PCBP3: variants seen among roughly 807,000 people sequenced by gnomAD.
PCBP3 encodes poly(rC) binding protein 3.
A neutral mutation model predicts 52.7 loss-of-function variants in PCBP3; 25 were observed. That is an observed-to-expected ratio of 0.47 (90% CI 0.35 to 0.66). The LOEUF (loss-of-function observed/expected upper bound fraction) is 0.66. Among genes scored for constraint, PCBP3 ranks in the 30% least tolerant of loss-of-function variants. The probability of loss-of-function intolerance (pLI) is 0.01; values close to 1 mark genes in which losing one functional copy is unlikely to be tolerated. For missense variants in PCBP3, 391 were observed against 490.3 expected, an observed-to-expected ratio of 0.80 and a Z score of 1.91; for synonymous variants, 162 against 183.0, an observed-to-expected ratio of 0.89 and a Z score of 0.93.
intron 4 of PCBP3, among the ~76,000 whole-genome samples, chr21:45,812,020 G>A (rs924174892): frequency 6.6e-6 from 1 of 151,302 alleles, no homozygotes; most frequent in African/African-American, 2.4e-5. Flanking sequence ...TTGTATTTTT[G>A]TTGTTTTAAA....
chr21:45,823,352 A>G (rs755221879), intron 4 of PCBP3, among the ~76,000 whole-genome samples: 3 of 152,144 alleles, frequency 2.0e-5, no homozygotes, highest in Non-Finnish European at 4.4e-5. Flanking sequence ...GGGACCTTCC[A>G]CACTGTGCAG....
At chr21:45,718,069 T>C (rs1488007599) in intron 2 of PCBP3, among the ~76,000 whole-genome samples, 1 of 152,172 alleles carries the variant, frequency 6.6e-6, no homozygotes, top group Non-Finnish European at 1.5e-5. Context: ...TCTGTGTGTT[T>C]CTAGGAATTT....
rs1217232403 is a variant in PCBP3, at chr21:45,800,070, C to A, written c.-126+44618C>A. ...CTGTGAGAACCACCCAGTGATGGTTCTTGTGCTGTTCTCTCTTCATGAATC... is the reference window on the plus strand; with the variant it reads ...CTGTGAGAACCACCCAGTGATGGTTATTGTGCTGTTCTCTCTTCATGAATC... On this transcript the variant is annotated intron_variant, in intron 4 of 17. Transcript: ENST00000681687. The surrounding 1 kb of genome is among the most constrained non-coding windows in gnomAD (Gnocchi z 5.3). Among the ~76,000 whole-genome samples, 1 of 152,190 alleles carries A rather than the reference C, an allele frequency of 6.6e-6. No homozygotes were observed. The highest frequency in any genetic ancestry group is 2.4e-5 in the African/African-American group (1 of 41,452).
intron 5 of PCBP3, among the ~76,000 whole-genome samples, chr21:45,895,053 C>T (rs897828973): frequency 5.9e-5 from 9 of 152,158 alleles, no homozygotes; most frequent in African/African-American, 9.7e-5. Context: ...GTGTAGACAG[C>T]GTGTCACTTT....
At chr21:45,666,201 T>G (rs1161387622) in intron 1 of PCBP3, among the ~76,000 whole-genome samples, 1 of 152,146 alleles carries the variant, frequency 6.6e-6, no homozygotes, top group Non-Finnish European at 1.5e-5. Context: ...CCTCTAAGAA[T>G]TGGAACAAAA....
chr21:45,917,421 T>A lies in PCBP3; in HGVS notation c.676-167T>A. 8 of 421,926 alleles carry A rather than the reference T, an allele frequency of 1.9e-5. No individual in the cohort carries two copies. Among genetic ancestry groups the A allele is most frequent in the East Asian group, 9.6e-5 (2 of 20,840 alleles). The allele number at this position is 421,926 out of a possible 1,614,324, so 26.1% of individuals were successfully genotyped here. A position where few individuals can be genotyped will look rare whatever the true frequency, so the allele number is the denominator to read the frequency against. On this transcript the variant is annotated intron_variant, in intron 12 of 17. Coordinates refer to ENST00000681687, the MANE Select transcript of PCBP3 (RefSeq NM_001384156.1). This position sits in a 1 kb window ranked among gnomAD's most constrained non-coding sequence, Gnocchi z 5.3. ...GTGGGTGCGGCTCCCCTGGGGCTCC[T>A]GGTGCCCTGGGAGGGTTGGCCCTTT...
chr21:45,877,445 CT>C (rs1029390367), intron 5 of PCBP3, among the ~76,000 whole-genome samples: 1 of 152,228 alleles, frequency 6.6e-6, no homozygotes, highest in Non-Finnish European at 1.5e-5. Context: ...AAAAGAGTAA[CT>C]GGCAAATTTA....
chr21:45,734,479 G>A (rs2145835336), intron 2 of PCBP3, among the ~76,000 whole-genome samples: 1 of 152,246 alleles, frequency 6.6e-6, no homozygotes. Flanking sequence ...GGTCCTGAGT[G>A]CAGTGCATCC....
intron 4 of PCBP3, among the ~76,000 whole-genome samples, chr21:45,784,433 CTCCTACCT>C (rs2090931269): frequency 1.5e-5 from 2 of 134,234 alleles, no homozygotes; most frequent in African/African-American, 2.8e-5. Flanking sequence ...TACCTCCTAC[CTCCTACCT>C]CCTACCTCCT....
chr21:45,714,799 T>A (rs187912251), intron 2 of PCBP3, among the ~76,000 whole-genome samples: 2 of 152,292 alleles, frequency 1.3e-5, no homozygotes, highest in East Asian at 3.9e-4. Flanking sequence ...GGAGTGCACA[T>A]TTTTATAACC....
chr21:45,800,016 G>A lies in PCBP3; in HGVS notation c.-126+44564G>A, dbSNP rs764716616. Reference sequence around the variant, plus strand: ...GTCGGGGAGGGTCCTCTCAGCTCCCGCGCCCTCTGCCCACAGCTTGTTCTC... The same window carrying A: ...GTCGGGGAGGGTCCTCTCAGCTCCCACGCCCTCTGCCCACAGCTTGTTCTC... On this transcript the variant is annotated intron_variant, in intron 4 of 17. Coordinates refer to ENST00000681687, the MANE Select transcript of PCBP3 (RefSeq NM_001384156.1). The surrounding 1 kb of genome is among the most constrained non-coding windows in gnomAD (Gnocchi z 5.3). Among the ~76,000 whole-genome samples, 1 of 152,104 alleles carries A rather than the reference G, an allele frequency of 6.6e-6. No individual in the cohort carries two copies. The highest frequency in any genetic ancestry group is 1.5e-5 in the Non-Finnish European group (1 of 68,020).
In PCBP3 at chr21:45,834,773, A is replaced by G. The variant is rs1421105555; in HGVS notation, c.-125-15188A>G. Among the ~76,000 whole-genome samples, 5 of 152,268 alleles carry G rather than the reference A, an allele frequency of 3.3e-5. 1 individual carries two copies. Among genetic ancestry groups the G allele is most frequent in the Admixed American group, 3.3e-4 (5 of 15,292 alleles). On this transcript the variant is annotated intron_variant, in intron 4 of 17. Coordinates refer to ENST00000681687, the MANE Select transcript of PCBP3 (RefSeq NM_001384156.1). ...TGAAAGGTTTTTAAAAGGACAAAGC[A>G]GACTTCGGAGCTGCCTCTAGAGGAG...
At chr21:45,927,304 C>CTCCT (rs1603533242) in intron 13 of PCBP3, among the ~76,000 whole-genome samples, 10 of 6,010 alleles carry the variant, frequency 1.7e-3, no homozygotes, top group African/African-American at 2.6e-3. Context: ...TCCTCCCTCC[C>CTCCT]CTCCCCTTCC....
At chr21:45,811,225 A>G (rs2092679528) in intron 4 of PCBP3, among the ~76,000 whole-genome samples, 1 of 152,228 alleles carries the variant, frequency 6.6e-6, no homozygotes, top group South Asian at 2.1e-4. Flanking sequence ...TTACAGCACA[A>G]GCTCATCACC....
At chr21:45,833,638 C>G (rs923596884) in intron 4 of PCBP3, among the ~76,000 whole-genome samples, 5 of 152,250 alleles carry the variant, frequency 3.3e-5, no homozygotes, top group Non-Finnish European at 7.3e-5. Context: ...CCCCCCTGAG[C>G]ACGACTGGAT....
intron 5 of PCBP3, among the ~76,000 whole-genome samples, chr21:45,885,403 G>A (rs2095494103): frequency 6.6e-6 from 1 of 152,180 alleles, no homozygotes; most frequent in Non-Finnish European, 1.5e-5. Flanking sequence ...GGTTTACTCA[G>A]CTTCTCAAAT....
At chr21:45,766,622 G>A (rs2089352559) in intron 4 of PCBP3, among the ~76,000 whole-genome samples, 1 of 152,170 alleles carries the variant, frequency 6.6e-6, no homozygotes, top group Admixed American at 6.5e-5. Flanking sequence ...TTACCTCACG[G>A]TTACACTTTT....
At chr21:45,660,941 T>A (rs891453132) in intron 1 of PCBP3, among the ~76,000 whole-genome samples, 1 of 152,086 alleles carries the variant, frequency 6.6e-6, no homozygotes, top group Non-Finnish European at 1.5e-5. Context: ...CTAGGGAGGC[T>A]GAGACAGGAG....
intron 16 of PCBP3, among the ~76,000 whole-genome samples, chr21:45,936,194 A>G (rs1464330612): frequency 6.6e-6 from 1 of 152,214 alleles, no homozygotes. Flanking sequence ...CAGGGAGATC[A>G]CCAGTCCTGT....
Sources: gnomAD v4.1 joint callset for allele counts (sites outside exome capture counted in the v4.1 genomes callset) on GRCh38, gnomAD v4.1.1 for gene constraint, Gnocchi (gnomAD v3.1) non-coding constraint, MANE v1.5 for transcripts, NCBI Gene and HGNC (gene_info 2026-07-23, HGNC 2026-07-21) for gene names.